The following EYS variants were observed in gnomAD, a reference collection of about 807,000 sequenced individuals.
EYS encodes protein eyes shut homolog.
In EYS, 250 loss-of-function variants were observed where a neutral mutation model predicts 282.1. That is an observed-to-expected ratio of 0.89 (90% CI 0.80 to 0.98). The LOEUF is 0.98. Among genes scored for constraint, EYS ranks in the 50% least tolerant of loss-of-function variants. The probability of loss-of-function intolerance (pLI) is 0.00; values close to 1 mark genes in which losing one functional copy is unlikely to be tolerated. For synonymous variants in EYS, 1,355 were observed against 1,282.9 expected (o/e 1.06, Z -1.20); for missense variants, 4,016 against 3,709.0 (o/e 1.08, Z -2.15).
intron 30 of EYS, among the ~76,000 whole-genome samples, chr6:64,287,589 G>A (rs541728351): frequency 3.9e-5 from 6 of 152,130 alleles, no homozygotes; most frequent in African/African-American, 1.4e-4. Context: ...GTCAACAATA[G>A]AGCAACATGG....
chr6:64,589,396 A>C (rs1766329751), intron 26 of EYS, among the ~76,000 whole-genome samples: 1 of 152,106 alleles, frequency 6.6e-6, no homozygotes, highest in South Asian at 2.1e-4. Context: ...GTTTATTGTC[A>C]AAGGAAAATT....
Position 64,591,959 on chromosome 6 carries a change from T to C in EYS, c.3908A>G (p.Asp1303Gly), listed in dbSNP as rs754765952. Residue 1303 changes from aspartate to glycine, a missense_variant, in exon 26 of 43, where the codon GAC becomes GGC. Physicochemically the swap from Asp to Gly is moderately conservative, Grantham distance 94. Coordinates refer to ENST00000503581, the MANE Select transcript of EYS (RefSeq NM_001142800.2). ...TGCCAAACCAGTGGTTGGGAGAATG[T>C]CGTGCTTGACAATGCCTGTCTGTTT... The part of the protein sequence containing the change: ...GPKQTGIVKH[D>G]ILPTTGLATL... The C allele has an allele frequency of 5.3e-6, 8 of 1,514,802 alleles. No individual in the cohort carries two copies. The South Asian group carries it at 6.4e-5, about 12-fold the overall frequency. 93.8% of individuals were successfully genotyped at this position (1,514,802 alleles called of 1,614,324 possible).
At chr6:64,973,552 T>C (rs1222797530) in intron 14 of EYS, among the ~76,000 whole-genome samples, 1 of 152,020 alleles carries the variant, frequency 6.6e-6, no homozygotes, top group Non-Finnish European at 1.5e-5. Context: ...TTGTGTATTG[T>C]TTACCATTCT....
chr6:64,347,370 G>A (rs1771449190), intron 29 of EYS, among the ~76,000 whole-genome samples: 1 of 151,220 alleles, frequency 6.6e-6, no homozygotes, highest in Non-Finnish European at 1.5e-5. Flanking sequence ...ACATTTTGAG[G>A]ACTTCTTAGC....
intron 13 of EYS, among the ~76,000 whole-genome samples, chr6:65,036,696 T>G (rs1772782349): frequency 6.6e-6 from 1 of 151,248 alleles, no homozygotes; most frequent in East Asian, 1.9e-4. Flanking sequence ...TACACATGAC[T>G]AAATCTATAA....
intron 32 of EYS, among the ~76,000 whole-genome samples, chr6:64,081,092 A>G (rs1771949739): frequency 6.6e-6 from 1 of 152,176 alleles, no homozygotes; most frequent in Non-Finnish European, 1.5e-5. Flanking sequence ...AATTCTGTGA[A>G]GAAAGTCATT....
chr6:65,235,700 C>A (rs1766904703), intron 12 of EYS, among the ~76,000 whole-genome samples: 1 of 152,036 alleles, frequency 6.6e-6, no homozygotes, highest in African/African-American at 2.4e-5. Flanking sequence ...AATTTACATT[C>A]TAGATTATTT....
intron 33 of EYS, among the ~76,000 whole-genome samples, chr6:64,029,160 C>T (rs1769689472): frequency 6.6e-6 from 1 of 152,160 alleles, no homozygotes; most frequent in Non-Finnish European, 1.5e-5. Flanking sequence ...GGCCCTAGTA[C>T]AAGCTCCAGG....
At chr6:63,994,572 A>G (rs1270726123) in intron 34 of EYS, among the ~76,000 whole-genome samples, 1 of 151,912 alleles carries the variant, frequency 6.6e-6, no homozygotes, top group Non-Finnish European at 1.5e-5. Flanking sequence ...ATTGACTATA[A>G]TAACAAAAGA....
At chr6:65,205,518 A>T (rs1196750254) in intron 12 of EYS, among the ~76,000 whole-genome samples, 2 of 151,824 alleles carry the variant, frequency 1.3e-5, no homozygotes, top group Admixed American at 6.6e-5. Context: ...AAGTAAACAA[A>T]CCCTGACTTA....
chr6:64,957,101 A>G (rs1357877294), intron 14 of EYS, among the ~76,000 whole-genome samples: 1 of 152,212 alleles, frequency 6.6e-6, no homozygotes, highest in Non-Finnish European at 1.5e-5. Context: ...AAATCAGTAT[A>G]TCAAAGAGAT....
At chr6:64,260,170 G>C (rs6903027) in intron 30 of EYS, among the ~76,000 whole-genome samples, 104,415 of 151,800 alleles carry the variant, frequency 0.69, 35,934 homozygotes, top group South Asian at 0.71. Context: ...CTTTTACCCT[G>C]CTATTTGCTG....
chr6:64,959,120 T>C (rs1583332901), intron 14 of EYS, among the ~76,000 whole-genome samples: 1 of 152,168 alleles, frequency 6.6e-6, no homozygotes, highest in Non-Finnish European at 1.5e-5. Flanking sequence ...GTGGTAACCA[T>C]GTAAGCGGCA....
chr6:63,803,294 T>A (rs1369176988), intron 37 of EYS, among the ~76,000 whole-genome samples: 1 of 151,894 alleles, frequency 6.6e-6, no homozygotes, highest in East Asian at 1.9e-4. Context: ...GATAAATATA[T>A]GATAAGTGGT....
chr6:64,596,099 C>G (rs1766578281), intron 24 of EYS, among the ~76,000 whole-genome samples: 1 of 151,986 alleles, frequency 6.6e-6, no homozygotes, highest in Admixed American at 6.6e-5. Context: ...GGGTAGGGGA[C>G]ACACACTTTA....
chr6:65,144,492 T>C (rs1385153472), intron 12 of EYS, among the ~76,000 whole-genome samples: 1 of 152,078 alleles, frequency 6.6e-6, no homozygotes, highest in Non-Finnish European at 1.5e-5. Flanking sequence ...GTTAAACCAG[T>C]GATCAGTTGT....
chr6:64,651,450 A>G (rs958241020), intron 22 of EYS, among the ~76,000 whole-genome samples: 2 of 152,204 alleles, frequency 1.3e-5, no homozygotes, highest in South Asian at 2.1e-4. Flanking sequence ...GGGAGAGGGA[A>G]GAGAGAATAT....
At chr6:65,187,257 T>A (rs1043106412) in intron 12 of EYS, among the ~76,000 whole-genome samples, 4 of 151,740 alleles carry the variant, frequency 2.6e-5, no homozygotes, top group African/African-American at 9.7e-5. Context: ...TTTAAGACCT[T>A]CAAACAAGAG....
At chr6:63,841,604 CTTTTA>C (rs1461846441) in intron 36 of EYS, among the ~76,000 whole-genome samples, 1 of 151,892 alleles carries the variant, frequency 6.6e-6, no homozygotes, top group South Asian at 2.1e-4. Flanking sequence ...GTTTCTTCAC[CTTTTA>C]TTTTATTTTT....
Sources: gnomAD v4.1 joint callset for allele counts (sites outside exome capture counted in the v4.1 genomes callset) on GRCh38, gnomAD v4.1.1 for gene constraint, MANE v1.5 for transcripts, NCBI Gene and HGNC (gene_info 2026-07-23, HGNC 2026-07-21) for gene names.